DNAJC5G: variants seen among roughly 807,000 people sequenced by gnomAD.
The protein encoded by DNAJC5G is DnaJ heat shock protein family (Hsp40) member C5 gamma, also known as dnaJ homolog subfamily C member 5G.
Under a neutral mutation model 19.1 loss-of-function variants are expected in DNAJC5G, and 13 were observed. That is an observed-to-expected ratio of 0.68 (90% CI 0.44 to 1.08). The LOEUF (loss-of-function observed/expected upper bound fraction) is 1.08. Ranked by LOEUF, DNAJC5G falls within the 50% of genes least tolerant of loss-of-function variation. The pLI is 0.00. For synonymous variants in DNAJC5G, 81 were observed against 84.4 expected (o/e 0.96, Z 0.22); for missense variants, 245 against 230.4 (o/e 1.06, Z -0.41).
Position 27,278,427 on chromosome 2 carries a change from T to C in DNAJC5G, c.520+95T>C. 6 of 1,527,986 alleles carry C rather than the reference T, an allele frequency of 3.9e-6. No individual in the cohort carries two copies. The South Asian group carries it at 7.6e-5, about 19-fold the overall frequency. The allele number at this position is 1,527,986 out of a possible 1,614,324, so 94.7% of individuals were successfully genotyped here. ...TGGGCACAATGGCTCATGCCTGTAA[T>C]CCCAGCACTTTGGGAGGGTGAGGCG... On this transcript the variant is annotated intron_variant, in intron 5 of 6. Transcript: ENST00000296097.
chr2:27,278,498 T>C (rs1429971299), intron 5 of DNAJC5G, among the ~76,000 whole-genome samples, 166 bp downstream of exon 5: 2 of 150,560 alleles, frequency 1.3e-5, no homozygotes, highest in Non-Finnish European at 2.9e-5. Context: ...CTGGCCAACA[T>C]GGTAAAACCC....
intron 4 of DNAJC5G, 44 bp downstream of exon 4, chr2:27,278,059 G>A: frequency 1.2e-6 from 2 of 1,608,714 alleles, no homozygotes; most frequent in Non-Finnish European, 1.7e-6. Flanking sequence ...AAAGAAGGGT[G>A]ACCTTCCTTT....
intron 5 of DNAJC5G, among the ~76,000 whole-genome samples, chr2:27,279,305 G>T (rs560366170): frequency 3.5e-4 from 50 of 143,998 alleles, no homozygotes; most frequent in African/African-American, 9.9e-4. Context: ...GTTGTTGTTG[G>T]TGGTGGTGGT....
rs1558577150 is a variant in DNAJC5G at position 27,279,208 on chromosome 2, G to A, written c.520+876G>A. ...AGGTAGTAGTGTCAGCTCCTGTTAA[G>A]CTAAGGAATGGGGTGGGAGAGTATG... On this transcript the variant is annotated intron_variant, in intron 5 of 6. Coordinates refer to ENST00000296097, the MANE Select transcript of DNAJC5G (RefSeq NM_173650.3). Among the ~76,000 whole-genome samples, 3 of 152,106 alleles carry A rather than the reference G, an allele frequency of 2.0e-5. No homozygotes were observed. In the South Asian group the frequency reaches 6.2e-4, roughly 32 times the overall value.
chr2:27,277,358 G>A (rs1214044912), intron 3 of DNAJC5G, among the ~76,000 whole-genome samples: 1 of 151,980 alleles, frequency 6.6e-6, no homozygotes, highest in African/African-American at 2.4e-5. Flanking sequence ...CACCTTCCGG[G>A]TTGAAGTGAT....
chr2:27,276,921 C>CTTT, intron 3 of DNAJC5G, 80 bp downstream of exon 3: 1 of 763,040 alleles, frequency 1.3e-6, no homozygotes, highest in Non-Finnish European at 1.9e-6. Flanking sequence ...TGCTATCTGA[C>CTTT]TCTTTTTTTT....
chr2:27,279,168 A>G (rs1001073366), intron 5 of DNAJC5G, among the ~76,000 whole-genome samples: 12 of 152,208 alleles, frequency 7.9e-5, no homozygotes, highest in African/African-American at 2.9e-4. Flanking sequence ...ATCACACGAC[A>G]AACTGACAGT....
chr2:27,276,780 C>T lies in DNAJC5G; in HGVS notation c.52C>T (p.Leu18Phe). 6.2e-7 allele frequency: 1 copy of T among 1,614,136 alleles called. No individual in the cohort carries two copies. The highest frequency in any genetic ancestry group is 8.5e-7 in the Non-Finnish European group (1 of 1,180,030). ...AHRLSKSEMS[L>F]YAVLDLKKGA... ...CCGGCTGTCCAAAAGTGAGATGAGC[C>T]TCTATGCAGTGCTGGATCTTAAGAA... Residue 18 changes from leucine (L) to phenylalanine (F), a missense_variant, in exon 3 of 7, where the codon CTC becomes TTC. Physicochemically the swap from Leu to Phe is conservative, Grantham distance 22. Coordinates refer to ENST00000296097, the MANE Select transcript of DNAJC5G (RefSeq NM_173650.3).
At chr2:27,276,912 G>A in intron 3 of DNAJC5G, 71 bp downstream of exon 3, 1 of 1,061,808 alleles carries the variant, frequency 9.4e-7, no homozygotes, top group Middle Eastern at 2.9e-4. Context: ...TATCTCTTTT[G>A]CTATCTGACT....
intron 2 of DNAJC5G, 106 bp downstream of exon 2, chr2:27,276,493 G>A: frequency 2.1e-6 from 1 of 474,610 alleles, no homozygotes; most frequent in Non-Finnish European, 3.8e-6. Context: ...GTAGCTGGAG[G>A]ATGCTGGGAA....
rs567796121 is a variant in DNAJC5G, at chr2:27,280,449, C to A, written c.*39C>A. Reference sequence around the variant, plus strand: ...ACTAGGTGCTGACCCAGTGAGGGTGCCTTCTGCTGCCCAGTCCCCTGGACA... The same window carrying A: ...ACTAGGTGCTGACCCAGTGAGGGTGACTTCTGCTGCCCAGTCCCCTGGACA... On this transcript the variant is annotated 3_prime_UTR_variant, in exon 7 of 7. Transcript: ENST00000296097. The A allele has an allele frequency of 4.8e-5, 24 of 498,092 alleles. 1 individual carries two copies. The highest frequency in any genetic ancestry group is 4.1e-4 in the African/African-American group (21 of 51,606). The allele number at this position is 498,092 out of a possible 1,614,324, so 30.9% of individuals were successfully genotyped here.
chr2:27,275,688 G>A (rs1366888588), intron 1 of DNAJC5G, 135 bp downstream of exon 1: 2 of 162,864 alleles, frequency 1.2e-5, no homozygotes, highest in Non-Finnish European at 2.7e-5. Flanking sequence ...CTGGGGTTCC[G>A]CTGCCTTTTC....
intron 3 of DNAJC5G, 81 bp downstream of exon 3, chr2:27,276,922 T>G: frequency 1.6e-6 from 1 of 641,712 alleles, no homozygotes; most frequent in Non-Finnish European, 2.5e-6. Flanking sequence ...GCTATCTGAC[T>G]CTTTTTTTTT....
Position 27,276,811 on chromosome 2 carries a change from C to T in DNAJC5G, c.83C>T (p.Ala28Val). ...LYAVLDLKKGASPEDFKKSYS... is the reference protein window; with the variant it reads ...LYAVLDLKKGVSPEDFKKSYS... ...GCAGTGCTGGATCTTAAGAAGGGCG[C>T]CTCACCTGAAGACTTCAAAAAATCC... The change falls in exon 3 of 7, where the codon GCC (alanine) becomes GTC (valine). Residue 28 changes from alanine to valine, a missense_variant. Ala to Val is a moderately conservative substitution (Grantham distance 64, BLOSUM62 0). Transcript: ENST00000296097. The T allele has an allele frequency of 2.5e-6, 4 of 1,614,098 alleles. No homozygotes were observed. The highest frequency in any genetic ancestry group is 3.4e-6 in the Non-Finnish European group (4 of 1,180,026).
intron 6 of DNAJC5G, 97 bp from the exon 7 acceptor site, chr2:27,280,332 G>A: frequency 1.0e-6 from 1 of 995,752 alleles, no homozygotes; most frequent in Non-Finnish European, 1.6e-6. Context: ...CTTATAGTAT[G>A]GACTATGTGT....
chr2:27,278,357 G>C, intron 5 of DNAJC5G, 25 bp downstream of exon 5: 1 of 1,613,414 alleles, frequency 6.2e-7, no homozygotes, highest in Non-Finnish European at 8.5e-7. Flanking sequence ...CAGGGACTGT[G>C]AGGTAAGAAA....
Position 27,276,711 on chromosome 2 carries a change from TCTC to T in DNAJC5G, c.-3-11_-3-9del. On this transcript the variant is annotated splice_polypyrimidine_tract_variant and intron_variant, in intron 2 of 6. Transcript: ENST00000296097. ...TGTAGAAGTTCTCACAGATGCTGCT[TCTC>T]CTCTGGCTCAGATCATGTCTACTGT... The T allele has an allele frequency of 6.2e-7, 1 of 1,608,718 alleles. No homozygotes were observed. The highest frequency in any genetic ancestry group is 8.5e-7 in the Non-Finnish European group (1 of 1,178,286).
intron 5 of DNAJC5G, among the ~76,000 whole-genome samples, chr2:27,278,628 G>A (rs1194359282): frequency 1.4e-5 from 2 of 140,056 alleles, no homozygotes; most frequent in African/African-American, 5.3e-5. Context: ...AGGTTGCAGT[G>A]AGCTGAGATC....
intron 3 of DNAJC5G, among the ~76,000 whole-genome samples, 171 bp from the exon 4 acceptor site, chr2:27,277,583 C>G (rs1678162364): frequency 6.6e-6 from 1 of 152,060 alleles, no homozygotes; most frequent in South Asian, 2.1e-4. Flanking sequence ...TTTTAAGTTC[C>G]AACAAGCCCT....
Sources: allele counts gnomAD v4.1 joint callset (sites outside exome capture counted in the v4.1 genomes callset), GRCh38; gene constraint gnomAD v4.1.1; transcripts MANE v1.5; gene names NCBI Gene and HGNC (gene_info 2026-07-23, HGNC 2026-07-21).